The following CAMK1G variants were observed in gnomAD, a reference collection of about 807,000 sequenced individuals.
CAMK1G encodes calcium/calmodulin dependent protein kinase IG.
Under a neutral mutation model 54.8 loss-of-function variants are expected in CAMK1G, and 27 were observed. The ratio of observed to expected loss-of-function variants is 0.49; its 90% CI spans 0.36 to 0.68. The LOEUF (loss-of-function observed/expected upper bound fraction) is 0.68. Ranked by LOEUF, CAMK1G falls within the 30% of genes least tolerant of loss-of-function variation. The pLI is 0.00. For synonymous variants in CAMK1G, 238 were observed against 224.9 expected (o/e 1.06, Z -0.52); for missense variants, 512 against 591.0 (o/e 0.87, Z 1.39).
chr1:209,604,767 G>T (rs1412198527), intron 4 of CAMK1G, among the ~76,000 whole-genome samples: 1 of 152,210 alleles, frequency 6.6e-6, no homozygotes, highest in African/African-American at 2.4e-5. Flanking sequence ...TGTTATTCTT[G>T]TTCTGTGCAG....
chr1:209,585,391 A>T (rs1211497992), intron 1 of CAMK1G, among the ~76,000 whole-genome samples: 2 of 152,234 alleles, frequency 1.3e-5, no homozygotes, highest in African/African-American at 4.8e-5. Flanking sequence ...ATGAAGGTGG[A>T]GATGAGTGAC....
In CAMK1G at chr1:209,611,796, C is replaced by T. The variant is rs763192311; in HGVS notation, c.920C>T (p.Ala307Val). 8.7e-6 allele frequency: 14 copies of T among 1,613,322 alleles called. No homozygotes were observed. The South Asian group carries it at 1.4e-4, about 16-fold the overall frequency. Residue 307 changes from alanine (A) to valine (V), a missense_variant, in exon 11 of 13, where the codon GCC becomes GTC. Ala to Val is a moderately conservative substitution (Grantham distance 64). This residue lies in a region of CAMK1G where 315 missense variants were observed against 330.5 expected (regional missense o/e 0.95). Coordinates refer to ENST00000361322, the MANE Select transcript of CAMK1G (RefSeq NM_020439.3). ...KNFAKSKWRQ[A>V]FNAAAVVHHM... ...GCTGCTCTTGTGTCTCCTTAGCAAG[C>T]CTTCAACGCAGCAGCTGTGGTGCAC...
At chr1:209,595,452 G>A (rs73093679) in intron 2 of CAMK1G, among the ~76,000 whole-genome samples, 3,633 of 151,848 alleles carry the variant, frequency 0.024, 142 homozygotes, top group African/African-American at 0.08. Context: ...AGCTCTCAGG[G>A]AATACCAGTC....
chr1:209,599,633 G>C (rs911719023), intron 2 of CAMK1G, among the ~76,000 whole-genome samples: 2 of 152,184 alleles, frequency 1.3e-5, no homozygotes, highest in Non-Finnish European at 2.9e-5. Context: ...GACACATTAA[G>C]TGTACCTAGT....
chr1:209,597,157 G>A (rs2102386291), intron 2 of CAMK1G, among the ~76,000 whole-genome samples: 1 of 152,284 alleles, frequency 6.6e-6, no homozygotes, highest in East Asian at 1.9e-4. Flanking sequence ...GTGGACAAGT[G>A]TACAAATTAT....
At chr1:209,586,170 C>G (rs1665096615) in intron 1 of CAMK1G, among the ~76,000 whole-genome samples, 1 of 152,156 alleles carries the variant, frequency 6.6e-6, no homozygotes, top group Admixed American at 6.5e-5. Flanking sequence ...GAGTGCCTAG[C>G]TGGGAAGGTT....
In CAMK1G at chr1:209,612,132, G is replaced by C; in HGVS notation, c.1256G>C (p.Cys419Ser). The C allele has an allele frequency of 6.2e-7, 1 of 1,614,144 alleles. No individual in the cohort carries two copies. Among genetic ancestry groups the C allele is most frequent in the Non-Finnish European group, 8.5e-7 (1 of 1,179,954 alleles). Residue 419 changes from cysteine to serine, a missense_variant, in exon 11 of 13, where the codon TGC (cysteine) becomes TCC (serine). By Grantham distance (112) the Cys-to-Ser change is moderately radical. This residue lies in a region of CAMK1G where 315 missense variants were observed against 330.5 expected (regional missense o/e 0.95). Transcript: ENST00000361322. ...CTGGCCGCCGGGCCCTGTGGCTGCT[G>C]CTCCAGCTGCCTGAACATTGGGAGC... is the stretch of plus-strand genomic sequence containing the variant. ...GSLAAGPCGCCSSCLNIGSKG... is the reference protein window; with the variant it reads ...GSLAAGPCGCSSSCLNIGSKG...
At chr1:209,606,264 G>A in intron 5 of CAMK1G, 56 bp from the exon 6 acceptor site, 2 of 1,590,880 alleles carry the variant, frequency 1.3e-6, no homozygotes, top group Non-Finnish European at 1.7e-6. Context: ...TCAAGGGGAA[G>A]GAAAATACTT....
intron 3 of CAMK1G, among the ~76,000 whole-genome samples, chr1:209,601,246 A>T (rs1182885139): frequency 6.6e-6 from 1 of 152,202 alleles, no homozygotes; most frequent in African/African-American, 2.4e-5. Flanking sequence ...AAGCAAAGGT[A>T]GTGGCAGAAT....
intron 1 of CAMK1G, among the ~76,000 whole-genome samples, chr1:209,590,641 A>G (rs1665222282): frequency 6.6e-6 from 1 of 152,140 alleles, no homozygotes; most frequent in South Asian, 2.1e-4. Flanking sequence ...AGAGGGAGTG[A>G]TGGACGCCTG....
Position 209,598,351 on chromosome 1 carries a change from A to T in CAMK1G, c.93-1632A>T, listed in dbSNP as rs569146545. On this transcript the variant is annotated intron_variant, in intron 2 of 12. Coordinates refer to ENST00000361322, the MANE Select transcript of CAMK1G (RefSeq NM_020439.3). ...GTACAGAGTGATCACCACCACCTAA[A>T]ATTGAGAGACGAGTCTTTTTGTTCT... 7.2e-5 allele frequency among the ~76,000 whole-genome samples: 11 copies of T among 152,250 alleles called. No homozygotes were observed. The South Asian group carries it at 2.1e-3, about 29-fold the overall frequency.
At chr1:209,594,697 C>T (rs1169276693) in intron 1 of CAMK1G, among the ~76,000 whole-genome samples, 2 of 152,214 alleles carry the variant, frequency 1.3e-5, no homozygotes, top group South Asian at 2.1e-4. Context: ...TATCTACACA[C>T]GTACTTACTA....
intron 1 of CAMK1G, among the ~76,000 whole-genome samples, chr1:209,590,503 C>G (rs1393154461): frequency 1.3e-5 from 2 of 152,144 alleles, no homozygotes; most frequent in Non-Finnish European, 2.9e-5. Flanking sequence ...AGCCTAGCTT[C>G]GGCTAAGAAT....
intron 7 of CAMK1G, 130 bp downstream of exon 7, chr1:209,608,063 G>A: frequency 3.1e-6 from 2 of 643,208 alleles, no homozygotes; most frequent in Non-Finnish European, 5.5e-6. Flanking sequence ...AGGCACAGGG[G>A]CACACGGGTA....
chr1:209,593,436 C>G (rs978663781), intron 1 of CAMK1G, among the ~76,000 whole-genome samples: 2 of 152,148 alleles, frequency 1.3e-5, no homozygotes, highest in African/African-American at 2.4e-5. Flanking sequence ...CTCATCACTC[C>G]TGGACACCTG....
At chr1:209,584,095 A>AG (rs1216669544) in intron 1 of CAMK1G, among the ~76,000 whole-genome samples, 1 of 152,136 alleles carries the variant, frequency 6.6e-6, no homozygotes, top group African/African-American at 2.4e-5. Context: ...CCTGCATTCT[A>AG]GGGACAAGGC....
In CAMK1G at chr1:209,608,868, TG is replaced by T. The variant is rs1209763175; in HGVS notation, c.636-109del. 4.8e-6 allele frequency: 7 copies of T among 1,468,158 alleles called. No individual in the cohort carries two copies. In the Admixed American group the frequency reaches 1.2e-4, roughly 26 times the overall value. The allele number at this position is 1,468,158 out of a possible 1,614,324, so 90.9% of individuals were successfully genotyped here. A position where few individuals can be genotyped will look rare whatever the true frequency, so the allele number is the denominator to read the frequency against. On this transcript the variant is annotated intron_variant, in intron 7 of 12. Transcript: ENST00000361322. Reference sequence around the variant, plus strand: ...CTGCGTCCTGGTCACACCACTGTTCTGGGACCTTCAGTGCCCACCTGTGTAT... The same window carrying T: ...CTGCGTCCTGGTCACACCACTGTTCTGGACCTTCAGTGCCCACCTGTGTAT...
chr1:209,610,580 C>T (rs977022570), intron 9 of CAMK1G, among the ~76,000 whole-genome samples: 1 of 152,150 alleles, frequency 6.6e-6, no homozygotes, highest in Non-Finnish European at 1.5e-5. Context: ...GTCTTAACTA[C>T]ACCTTGGATC....
In CAMK1G at chr1:209,611,595, C is replaced by G. The variant is rs1202523725; in HGVS notation, c.915+43C>G. 5 of 1,580,846 alleles carry G rather than the reference C, an allele frequency of 3.2e-6. No individual in the cohort carries two copies. In the South Asian group the frequency reaches 4.5e-5, roughly 14 times the overall value. ...GGGGGTGGGAAAGCTGTTCTGGGCC[C>G]CTGGAGGCTGGGCTGGCAGGGGCTG... On this transcript the variant is annotated intron_variant, in intron 10 of 12. Transcript: ENST00000361322.
Sources: gnomAD v4.1 joint callset for allele counts (sites outside exome capture counted in the v4.1 genomes callset) on GRCh38, gnomAD v4.1.1 for gene constraint, gnomAD v4.1.1 regional missense constraint, MANE v1.5 for transcripts, NCBI Gene and HGNC (gene_info 2026-07-23, HGNC 2026-07-21) for gene names.